MAPK10: variants seen among roughly 807,000 people sequenced by gnomAD.
MAPK10 encodes the protein mitogen-activated protein kinase 10.
MAPK10 carries 25 observed loss-of-function variants against 59.3 expected under a neutral mutation model. The observed-to-expected ratio is 0.42, with a 90% CI of 0.31 to 0.59. MAPK10 has a LOEUF of 0.59. Ranked by LOEUF, MAPK10 falls within the 20% of genes least tolerant of loss-of-function variation. The probability of loss-of-function intolerance (pLI) is 0.15; values close to 1 mark genes in which losing one functional copy is unlikely to be tolerated. For synonymous variants in MAPK10, 190 were observed against 200.5 expected, an observed-to-expected ratio of 0.95 and a Z score of 0.44; for missense variants, 351 against 568.9, an observed-to-expected ratio of 0.62 and a Z score of 3.90.
intron 2 of MAPK10, among the ~76,000 whole-genome samples, chr4:86,288,053 T>C (rs908718114): frequency 1.3e-5 from 2 of 152,296 alleles, no homozygotes; most frequent in Admixed American, 6.5e-5. Context: ...TCAGTCTAAC[T>C]AACGCTAGTT....
At chr4:86,315,593 A>G (rs2095766046) in intron 2 of MAPK10, among the ~76,000 whole-genome samples, 2 of 152,284 alleles carry the variant, frequency 1.3e-5, no homozygotes, top group African/African-American at 4.8e-5. Flanking sequence ...AAAGGAAAAT[A>G]CTAAACCCAA....
At chr4:86,199,991 T>G (rs1349329623) in intron 2 of MAPK10, among the ~76,000 whole-genome samples, 1 of 152,022 alleles carries the variant, frequency 6.6e-6, no homozygotes, top group Non-Finnish European at 1.5e-5. Context: ...TTTTGTTATA[T>G]TTGAAAATAA....
At chr4:86,514,656 A>G (rs993091920) in intron 1 of MAPK10, among the ~76,000 whole-genome samples, 1 of 152,214 alleles carries the variant, frequency 6.6e-6, no homozygotes, top group Non-Finnish European at 1.5e-5. Flanking sequence ...ATTCAGAAGC[A>G]TCCACAAACC....
chr4:86,517,728 T>C (rs1756801737), intron 1 of MAPK10, among the ~76,000 whole-genome samples: 1 of 152,218 alleles, frequency 6.6e-6, no homozygotes, highest in South Asian at 2.1e-4. Context: ...GTTCATAGAA[T>C]GATTTGGGGA....
At chr4:86,130,397 C>T (rs959628998) in intron 4 of MAPK10, among the ~76,000 whole-genome samples, 2 of 151,866 alleles carry the variant, frequency 1.3e-5, no homozygotes, top group African/African-American at 4.8e-5. Flanking sequence ...AGAACTATAC[C>T]ATATTGAGGA....
intron 1 of MAPK10, among the ~76,000 whole-genome samples, chr4:86,517,573 C>A (rs1488343435): frequency 6.6e-6 from 1 of 152,052 alleles, no homozygotes; most frequent in African/African-American, 2.4e-5. Context: ...CCGCACCCGG[C>A]CTATTATCTT....
At chr4:86,276,520 G>A (rs2094581664) in intron 2 of MAPK10, among the ~76,000 whole-genome samples, 1 of 152,130 alleles carries the variant, frequency 6.6e-6, no homozygotes, top group Non-Finnish European at 1.5e-5. Flanking sequence ...AGCAGTCACT[G>A]GGAAGATTAT....
intron 2 of MAPK10, among the ~76,000 whole-genome samples, chr4:86,339,475 T>G (rs1723591244): frequency 6.6e-6 from 1 of 152,250 alleles, no homozygotes; most frequent in Non-Finnish European, 1.5e-5. Flanking sequence ...TCTGACCGTA[T>G]TAATAGATTC....
intron 1 of MAPK10, among the ~76,000 whole-genome samples, chr4:86,560,885 G>T (rs976880370): frequency 2.3e-4 from 35 of 152,224 alleles, no homozygotes; most frequent in Admixed American, 6.5e-4. Context: ...AAGGAATGAA[G>T]CGTGTTTGCC....
At chr4:86,311,976 A>T (rs2095679916) in intron 2 of MAPK10, among the ~76,000 whole-genome samples, 1 of 147,848 alleles carries the variant, frequency 6.8e-6, no homozygotes, top group African/African-American at 2.5e-5. Flanking sequence ...CTCATAAAAA[A>T]CTATTATTTT....
At chr4:86,540,852 C>T (rs992789102) in intron 1 of MAPK10, among the ~76,000 whole-genome samples, 1 of 152,042 alleles carries the variant, frequency 6.6e-6, no homozygotes, top group African/African-American at 2.4e-5. Flanking sequence ...CCTGAAATCC[C>T]AGCACTTTGC....
chr4:86,189,245 A>T (rs2079066905), intron 3 of MAPK10, among the ~76,000 whole-genome samples: 3 of 152,156 alleles, frequency 2.0e-5, no homozygotes, highest in Non-Finnish European at 4.4e-5. Context: ...TTGGTTCCAT[A>T]TGAAATTTAA....
chr4:86,496,197 A>G (rs1754859254), intron 1 of MAPK10, among the ~76,000 whole-genome samples: 1 of 152,242 alleles, frequency 6.6e-6, no homozygotes, highest in African/African-American at 2.4e-5. Context: ...CTTTCCAGCC[A>G]TTAAAATAGA....
intron 9 of MAPK10, chr4:86,082,265 T>A (rs1048109338): frequency 3.3e-5 from 5 of 152,324 alleles, no homozygotes; most frequent in Non-Finnish European, 7.4e-5. Flanking sequence ...TAATGGTCTA[T>A]TTTTTAACCT....
chr4:86,215,305 C>T (rs981946682), intron 2 of MAPK10, among the ~76,000 whole-genome samples: 1 of 152,162 alleles, frequency 6.6e-6, no homozygotes, highest in Non-Finnish European at 1.5e-5. Context: ...AACAATCAAA[C>T]TGTTATAAGA....
intron 4 of MAPK10, among the ~76,000 whole-genome samples, chr4:86,145,616 C>A (rs2064789527): frequency 6.6e-6 from 1 of 152,146 alleles, no homozygotes; most frequent in Non-Finnish European, 1.5e-5. Context: ...GGGAATCTCT[C>A]AGCTGCCTGC....
Position 86,031,352 on chromosome 4 carries a change from T to C in MAPK10, c.1174+16A>G. On this transcript the variant is annotated intron_variant, in intron 12 of 13. Coordinates refer to ENST00000641462, the MANE Select transcript of MAPK10 (RefSeq NM_138982.4). ...CAATAAAATAAAAAGTATACTTTTT[T>C]AAGTAGTAGACTTACCTTTCCATTC... 6.4e-7 allele frequency: 1 copy of C among 1,562,766 alleles called. No homozygotes were observed. The highest frequency in any genetic ancestry group is 8.8e-7 in the Non-Finnish European group (1 of 1,134,316).
intron 1 of MAPK10, among the ~76,000 whole-genome samples, chr4:86,497,000 G>C (rs1718469999): frequency 6.6e-6 from 1 of 152,032 alleles, no homozygotes. Flanking sequence ...CATTAACCTA[G>C]CTCTTTAAGA....
intron 1 of MAPK10, among the ~76,000 whole-genome samples, chr4:86,466,395 A>G (rs1229925190): frequency 6.6e-6 from 1 of 152,204 alleles, no homozygotes; most frequent in Non-Finnish European, 1.5e-5. Flanking sequence ...GGTAGGAAGT[A>G]CAGCAAGAGT....
Sources: gnomAD v4.1 joint callset for allele counts (sites outside exome capture counted in the v4.1 genomes callset) on GRCh38, gnomAD v4.1.1 for gene constraint, MANE v1.5 for transcripts, NCBI Gene and HGNC (gene_info 2026-07-23, HGNC 2026-07-21) for gene names.